Variants in ASTN1 observed in about 807,000 individuals in gnomAD.
ASTN1 encodes astrotactin-1.
ASTN1 carries 41 observed loss-of-function variants against 140.7 expected under a neutral mutation model. That is an observed-to-expected ratio of 0.29 (90% CI 0.23 to 0.38). The LOEUF (loss-of-function observed/expected upper bound fraction) is 0.38. Among genes scored for constraint, ASTN1 ranks in the 10% least tolerant of loss-of-function variants. The pLI is 1.00. For missense variants in ASTN1, 1,479 were observed against 1,678.8 expected (o/e 0.88, Z 2.08); for synonymous variants, 640 against 652.2 (o/e 0.98, Z 0.29).
At chr1:176,914,458 C>G (rs1416106771) in intron 16 of ASTN1, among the ~76,000 whole-genome samples, 2 of 152,188 alleles carry the variant, frequency 1.3e-5, no homozygotes, top group Admixed American at 1.3e-4. Flanking sequence ...CCACAGAGGT[C>G]ATTACAAAGC....
At chr1:177,056,425 T>C (rs1677805376) in intron 2 of ASTN1, among the ~76,000 whole-genome samples, 1 of 152,072 alleles carries the variant, frequency 6.6e-6, no homozygotes, top group Non-Finnish European at 1.5e-5. Flanking sequence ...TAGAAGGCCA[T>C]GGGGGCCTCC....
At chr1:177,158,186 G>A (rs932808706) in intron 1 of ASTN1, among the ~76,000 whole-genome samples, 1 of 152,098 alleles carries the variant, frequency 6.6e-6, no homozygotes, top group Non-Finnish European at 1.5e-5. Context: ...TTAGATTACC[G>A]TCAACAATTT....
intron 8 of ASTN1, among the ~76,000 whole-genome samples, chr1:176,977,085 A>C (rs1673399336): frequency 6.6e-6 from 1 of 152,248 alleles, no homozygotes; most frequent in Admixed American, 6.5e-5. Context: ...CAGGATGTAC[A>C]ATAGAAAACA....
In ASTN1 at chr1:176,862,280, A is replaced by G. The variant is rs1667994651; in HGVS notation, c.*2004T>C. ...GAAATAAATCCTTCAGTGTTTGGAA[A>G]GAAGGAGAGAGGAGAGTGAAACCAC... On this transcript the variant is annotated 3_prime_UTR_variant, in exon 23 of 23. Transcript: ENST00000361833. The G allele has an allele frequency of 1.0e-6, 1 of 985,204 alleles. No individual in the cohort carries two copies. 61.0% of individuals were successfully genotyped at this position (985,204 alleles called of 1,614,324 possible). A position where few individuals can be genotyped will look rare whatever the true frequency, so the allele number is the denominator to read the frequency against.
chr1:177,118,780 C>A (rs950681308), intron 1 of ASTN1, among the ~76,000 whole-genome samples: 1 of 152,076 alleles, frequency 6.6e-6, no homozygotes, highest in Non-Finnish European at 1.5e-5. Context: ...GTAAATGCCC[C>A]AGGAAGGCTT....
chr1:176,896,449 C>G (rs1417648945), intron 16 of ASTN1, among the ~76,000 whole-genome samples: 1 of 152,172 alleles, frequency 6.6e-6, no homozygotes, highest in African/African-American at 2.4e-5. Context: ...ACCCAGTCAA[C>G]TGTGTGGCTA....
At chr1:176,910,822 C>G (rs769968686) in intron 16 of ASTN1, among the ~76,000 whole-genome samples, 38 of 152,206 alleles carry the variant, frequency 2.5e-4, no homozygotes, top group Non-Finnish European at 5.1e-4. Context: ...GCTCCACCTC[C>G]TGTCACATCA....
At chr1:176,960,268 C>T (rs541181036) in intron 9 of ASTN1, among the ~76,000 whole-genome samples, 4 of 152,274 alleles carry the variant, frequency 2.6e-5, no homozygotes, top group East Asian at 1.9e-4. Flanking sequence ...GGGGCACCTC[C>T]GCTATTATAC....
At chr1:177,112,895 A>G (rs1571801901) in intron 1 of ASTN1, among the ~76,000 whole-genome samples, 1 of 152,126 alleles carries the variant, frequency 6.6e-6, no homozygotes, top group East Asian at 1.9e-4. Flanking sequence ...TCCCTCTGCA[A>G]TGACCTCTCT....
intron 16 of ASTN1, 39 bp downstream of exon 16, chr1:176,934,113 G>A (rs777375910): frequency 1.3e-6 from 2 of 1,569,514 alleles, no homozygotes; most frequent in Non-Finnish European, 1.7e-6. Flanking sequence ...GCCAGTACTG[G>A]CATGAGGTAT....
chr1:176,937,375 G>T lies in ASTN1; in HGVS notation c.2378-1005C>A, dbSNP rs2103097096. Among the ~76,000 whole-genome samples the T allele has an allele frequency of 2.0e-5, 3 of 152,314 alleles. No individual in the cohort carries two copies. The South Asian group carries it at 6.2e-4, about 32-fold the overall frequency. ...CTGTGCCAGACATTGTGATAGTCGT[G>T]TGCTGTCTCCTTCTTACTAATGGAA... is the stretch of plus-strand genomic sequence containing the variant. On this transcript the variant is annotated intron_variant, in intron 14 of 22. Coordinates refer to ENST00000361833, the MANE Select transcript of ASTN1 (RefSeq NM_004319.3).
At chr1:176,869,071 A>AC in intron 21 of ASTN1, 44 bp from the exon 22 acceptor site, 1 of 1,320,130 alleles carries the variant, frequency 7.6e-7, no homozygotes, top group Non-Finnish European at 1.0e-6. Flanking sequence ...ACATATATAT[A>AC]ATAATGTATA....
chr1:176,942,816 GTGTGTATATATATATATA>G (rs757114804), intron 14 of ASTN1, among the ~76,000 whole-genome samples: 1,295 of 38,448 alleles, frequency 0.034, 83 homozygotes, highest in African/African-American at 0.12. Context: ...TACTTTGTGT[GTGTGTATATATATATATA>G]TGTATATATA....
downstream of ASTN1, among the ~76,000 whole-genome samples, chr1:176,858,631 T>C (rs2103002661): frequency 6.6e-6 from 1 of 152,154 alleles, no homozygotes; most frequent in Non-Finnish European, 1.5e-5. Flanking sequence ...GAAAATAAAA[T>C]AAAAAACCCA....
intron 8 of ASTN1, among the ~76,000 whole-genome samples, chr1:176,994,019 G>A (rs1674314390): frequency 2.0e-5 from 2 of 99,574 alleles, no homozygotes. Flanking sequence ...GTGTGTGTAC[G>A]TGTGTGTGTG....
chr1:176,983,495 G>T (rs1177069150), intron 8 of ASTN1, among the ~76,000 whole-genome samples: 1 of 152,152 alleles, frequency 6.6e-6, no homozygotes, highest in Non-Finnish European at 1.5e-5. Flanking sequence ...TTCCCCAAAT[G>T]CTTCTTTTCC....
At chr1:176,895,246 A>G (rs1314451693) in intron 16 of ASTN1, among the ~76,000 whole-genome samples, 2 of 152,238 alleles carry the variant, frequency 1.3e-5, no homozygotes, top group Admixed American at 1.3e-4. Flanking sequence ...TAAAGCACAT[A>G]ACACAATGGC....
intron 9 of ASTN1, 92 bp from the exon 10 acceptor site, chr1:176,958,574 T>C: frequency 7.0e-7 from 1 of 1,438,546 alleles, no homozygotes; most frequent in Non-Finnish European, 9.2e-7. Flanking sequence ...TGCTTTCTTC[T>C]CACCCTTTGT....
At chr1:176,912,018 C>T (rs1024322578) in intron 16 of ASTN1, among the ~76,000 whole-genome samples, 2 of 152,142 alleles carry the variant, frequency 1.3e-5, no homozygotes, top group African/African-American at 4.8e-5. Flanking sequence ...CTGTCATATA[C>T]GTGGGCTTGC....
Sources: allele counts gnomAD v4.1 joint callset (sites outside exome capture counted in the v4.1 genomes callset), GRCh38; gene constraint gnomAD v4.1.1; transcripts MANE v1.5; gene names NCBI Gene and HGNC (gene_info 2026-07-23, HGNC 2026-07-21).